Variants in KIAA1958 observed in about 807,000 individuals in gnomAD.
KIAA1958 encodes the protein KIAA1958, also known as uncharacterized protein KIAA1958.
A neutral mutation model predicts 47.2 loss-of-function variants in KIAA1958; 14 were observed. The observed-to-expected ratio is 0.30, with a 90% CI of 0.20 to 0.46. The LOEUF (loss-of-function observed/expected upper bound fraction) is 0.46, where lower values mean the gene tolerates loss of function less well. KIAA1958 is among the 20% of genes least tolerant of loss of function. The pLI is 1.00. For synonymous variants in KIAA1958, 354 were observed against 353.3 expected (o/e 1.00, Z -0.02); for missense variants, 803 against 909.2 (o/e 0.88, Z 1.50).
chr9:112,637,532 C>A (rs963781920), intron 2 of KIAA1958, among the ~76,000 whole-genome samples: 8 of 152,016 alleles, frequency 5.3e-5, no homozygotes, highest in African/African-American at 1.9e-4. Flanking sequence ...TGCCCGTGAC[C>A]ACGCCCGGCA....
At chr9:112,506,598 G>A (rs557294957) in intron 1 of KIAA1958, among the ~76,000 whole-genome samples, 2 of 152,152 alleles carry the variant, frequency 1.3e-5, no homozygotes, top group Non-Finnish European at 2.9e-5. Flanking sequence ...GTTGCACAAG[G>A]TTCCGTTACT....
At chr9:112,642,842 T>C (rs905798056) in intron 2 of KIAA1958, among the ~76,000 whole-genome samples, 1 of 152,222 alleles carries the variant, frequency 6.6e-6, no homozygotes, top group Non-Finnish European at 1.5e-5. Context: ...ATAAATATAA[T>C]CATGAACGAA....
intron 1 of KIAA1958, among the ~76,000 whole-genome samples, chr9:112,562,878 C>T (rs1352284396): frequency 6.7e-6 from 1 of 149,970 alleles, no homozygotes; most frequent in Non-Finnish European, 1.5e-5. Context: ...GTCATCTAGG[C>T]TGTTCTCAAA....
chr9:112,580,409 CATAT>C (rs955795269), intron 2 of KIAA1958, among the ~76,000 whole-genome samples: 1 of 151,832 alleles, frequency 6.6e-6, no homozygotes, highest in African/African-American at 2.4e-5. Flanking sequence ...TGTATACATA[CATAT>C]ATATGTATAT....
rs755367141 is a variant in KIAA1958 at position 112,659,906 on chromosome 9, T to C, written c.1988T>C (p.Met663Thr). The C allele has an allele frequency of 6.2e-7, 1 of 1,614,158 alleles. No homozygotes were observed. Among genetic ancestry groups the C allele is most frequent in the South Asian group, 1.1e-5 (1 of 91,076 alleles). Residue 663 changes from methionine to threonine, a missense_variant, in exon 4 of 4, where the codon ATG becomes ACG. This residue lies in a region of KIAA1958 where 761 missense variants were observed against 829.3 expected (regional missense o/e 0.92). Transcript: ENST00000337530. ...YLTARKEATD[M>T]GSVWYEEQRM... is the part of the protein sequence containing the mutation. ...ACTGCCAGGAAGGAGGCCACAGACATGGGCAGCGTGTGGTATGAGGAGCAG... is the reference window on the plus strand; with the variant it reads ...ACTGCCAGGAAGGAGGCCACAGACACGGGCAGCGTGTGGTATGAGGAGCAG...
At chr9:112,501,907 G>A (rs1216008914) in intron 1 of KIAA1958, among the ~76,000 whole-genome samples, 1 of 152,166 alleles carries the variant, frequency 6.6e-6, no homozygotes, top group African/African-American at 2.4e-5. Flanking sequence ...GTATTGTTTT[G>A]TTTTCACAAT....
At chr9:112,524,326 G>A (rs1297797756) in intron 1 of KIAA1958, among the ~76,000 whole-genome samples, 2 of 152,262 alleles carry the variant, frequency 1.3e-5, no homozygotes, top group Non-Finnish European at 2.9e-5. Context: ...GTATTGAACA[G>A]CCATTTACAA....
chr9:112,617,532 G>A (rs1272680217), intron 2 of KIAA1958, among the ~76,000 whole-genome samples: 1 of 152,208 alleles, frequency 6.6e-6, no homozygotes, highest in Non-Finnish European at 1.5e-5. Flanking sequence ...CGCTGCAGTA[G>A]GATAAATAGC....
chr9:112,580,650 G>T (rs2131180252), intron 2 of KIAA1958, among the ~76,000 whole-genome samples: 1 of 152,160 alleles, frequency 6.6e-6, no homozygotes, highest in South Asian at 2.1e-4. Flanking sequence ...AGCCCAGCGT[G>T]GTGGCAGGCG....
intron 2 of KIAA1958, among the ~76,000 whole-genome samples, chr9:112,635,221 TG>T (rs1836784958): frequency 1.6e-5 from 1 of 60,954 alleles, no homozygotes; most frequent in Non-Finnish European, 3.6e-5. Context: ...ATTTTGTGTG[TG>T]TGTGTGTGTG....
chr9:112,570,181 G>A (rs1019154467), intron 1 of KIAA1958, among the ~76,000 whole-genome samples: 5 of 152,124 alleles, frequency 3.3e-5, no homozygotes, highest in Non-Finnish European at 7.4e-5. Context: ...ATTTAATGTT[G>A]TTTGTTTGTT....
At chr9:112,510,820 T>C (rs974644838) in intron 1 of KIAA1958, among the ~76,000 whole-genome samples, 3 of 152,142 alleles carry the variant, frequency 2.0e-5, no homozygotes, top group Admixed American at 1.3e-4. Flanking sequence ...TACAGTAGTC[T>C]CAGAGAGCTT....
chr9:112,580,671 C>T (rs985536549), intron 2 of KIAA1958, among the ~76,000 whole-genome samples: 1 of 151,944 alleles, frequency 6.6e-6, no homozygotes, highest in Non-Finnish European at 1.5e-5. Context: ...CCTGTAGTCC[C>T]AGCTATTCGG....
intron 2 of KIAA1958, among the ~76,000 whole-genome samples, chr9:112,597,232 T>C (rs768440709): frequency 7.2e-5 from 11 of 152,216 alleles, no homozygotes; most frequent in Non-Finnish European, 1.5e-4. Context: ...CTGTGATTAC[T>C]ACATGCAAAA....
chr9:112,491,577 T>C (rs1833970943), intron 1 of KIAA1958, among the ~76,000 whole-genome samples: 3 of 151,916 alleles, frequency 2.0e-5, no homozygotes, highest in East Asian at 1.9e-4. Context: ...GTTTTTTTTT[T>C]CCTTAAGAAA....
intron 2 of KIAA1958, among the ~76,000 whole-genome samples, chr9:112,634,190 T>A (rs1023973483): frequency 6.6e-6 from 1 of 152,206 alleles, no homozygotes. Context: ...GTATTTTATG[T>A]TTCCTGGAAT....
rs532315996 is a variant in KIAA1958, at chr9:112,623,589, C to T, written c.1172-22061C>T. On this transcript the variant is annotated intron_variant, in intron 2 of 3. Transcript: ENST00000337530. ...CAATGTTAGCACAACATTATTTAGGCGTCATTACTGTAGTATTTTGAGATG... is the reference window on the plus strand; with the variant it reads ...CAATGTTAGCACAACATTATTTAGGTGTCATTACTGTAGTATTTTGAGATG... 5.9e-5 allele frequency among the ~76,000 whole-genome samples: 9 copies of T among 152,224 alleles called. No homozygotes were observed. In the South Asian group the frequency reaches 8.3e-4, roughly 14 times the overall value.
intron 1 of KIAA1958, among the ~76,000 whole-genome samples, chr9:112,498,596 T>TAG (rs1203014253): frequency 6.6e-6 from 1 of 152,204 alleles, no homozygotes; most frequent in African/African-American, 2.4e-5. Context: ...TGCATAATCT[T>TAG]ATGTGTAGAG....
At chr9:112,592,563 A>AG (rs976439038) in intron 2 of KIAA1958, among the ~76,000 whole-genome samples, 1 of 152,230 alleles carries the variant, frequency 6.6e-6, no homozygotes, top group Non-Finnish European at 1.5e-5. Flanking sequence ...TAAAGCACTT[A>AG]GAGAGAAGTG....
Sources: gnomAD v4.1 joint callset for allele counts (sites outside exome capture counted in the v4.1 genomes callset) on GRCh38, gnomAD v4.1.1 for gene constraint, gnomAD v4.1.1 regional missense constraint, MANE v1.5 for transcripts, NCBI Gene and HGNC (gene_info 2026-07-23, HGNC 2026-07-21) for gene names.